Variants in MAP1B observed in about 807,000 individuals in gnomAD.
MAP1B encodes the protein microtubule-associated protein 1B.
MAP1B carries 12 observed loss-of-function variants against 176.1 expected under a neutral mutation model. The ratio of observed to expected loss-of-function variants is 0.07; its 90% CI spans 0.04 to 0.11. The LOEUF is 0.11. Ranked by LOEUF, MAP1B falls within the 10% of genes least tolerant of loss-of-function variation. The pLI is 1.00. For synonymous variants in MAP1B, 1,044 were observed against 1,135.0 expected (o/e 0.92, Z 1.61); for missense variants, 2,523 against 2,990.5 (o/e 0.84, Z 3.65).
rs189465151 is a variant in MAP1B, at chr5:72,153,572, G to A, written c.287-30171G>A. Among the ~76,000 whole-genome samples, 233 of 151,972 alleles carry A rather than the reference G, an allele frequency of 1.5e-3. 1 individual carries two copies. Among genetic ancestry groups the A allele is most frequent in the African/African-American group, 5.3e-3 (220 of 41,448 alleles). ...GACAAGTTGGAATTGAATCCTGGTG[G>A]GACATCACAGAGCTGGGTGATATGT... On this transcript the variant is annotated intron_variant, in intron 2 of 6. Coordinates refer to ENST00000296755, the MANE Select transcript of MAP1B (RefSeq NM_005909.5).
chr5:72,192,395 T>C (rs1259074017), intron 4 of MAP1B, among the ~76,000 whole-genome samples: 1 of 152,234 alleles, frequency 6.6e-6, no homozygotes, highest in Non-Finnish European at 1.5e-5. Flanking sequence ...TTACAGAAAA[T>C]TGTGAAGTCA....
intron 2 of MAP1B, among the ~76,000 whole-genome samples, chr5:72,138,835 C>A (rs1015704123): frequency 6.6e-6 from 1 of 152,180 alleles, no homozygotes; most frequent in African/African-American, 2.4e-5. Context: ...TTCAATGACA[C>A]CCAAATTGTA....
intron 2 of MAP1B, among the ~76,000 whole-genome samples, chr5:72,147,902 CA>C (rs1746074131): frequency 1.3e-5 from 2 of 152,058 alleles, no homozygotes; most frequent in South Asian, 4.1e-4. Flanking sequence ...TTACCGGATC[CA>C]AGTTAACATG....
rs1230262430 is a variant in MAP1B, at chr5:72,197,355, A to C, written c.4000A>C (p.Thr1334Pro). 6.2e-7 allele frequency: 1 copy of C among 1,614,098 alleles called. No homozygotes were observed. The highest frequency in any genetic ancestry group is 1.7e-5 in the Admixed American group (1 of 60,010). ...GTCCGTGACTGGCAGTGCTGGTCAC[A>C]CACCTTACTATCAATCTCCTACTGA... is the stretch of plus-strand genomic sequence containing the variant. The part of the protein sequence containing the change: ...SQSVTGSAGH[T>P]PYYQSPTDEK... Residue 1334 changes from threonine (T) to proline (P), a missense_variant, in exon 5 of 7, where the codon ACA becomes CCA. Physicochemically the swap from Thr to Pro is conservative, Grantham distance 38. Coordinates refer to ENST00000296755, the MANE Select transcript of MAP1B (RefSeq NM_005909.5).
intron 2 of MAP1B, among the ~76,000 whole-genome samples, chr5:72,138,648 C>T (rs762942866): frequency 6.6e-6 from 1 of 152,152 alleles, no homozygotes; most frequent in African/African-American, 2.4e-5. Flanking sequence ...CATGTATAAT[C>T]AGTAATGATT....
intron 2 of MAP1B, among the ~76,000 whole-genome samples, chr5:72,158,673 G>A (rs774573214): frequency 1.3e-5 from 2 of 152,146 alleles, no homozygotes; most frequent in Non-Finnish European, 2.9e-5. Flanking sequence ...TGGGCTCAGT[G>A]GAAATGAATA....
At position 72,197,922 on chromosome 5, in the gene MAP1B, G is replaced by A. The variant is rs200032099; in HGVS notation, c.4567G>A (p.Glu1523Lys). The A allele has an allele frequency of 1.1e-4, 175 of 1,614,110 alleles. No individual in the cohort carries two copies. The highest frequency in any genetic ancestry group is 1.9e-5 in the Non-Finnish European group (22 of 1,180,064). Residue 1523 changes from glutamate to lysine, a missense_variant, in exon 5 of 7, where the codon GAA becomes AAA. Physicochemically the swap from Glu to Lys is moderately conservative, Grantham distance 56. Transcript: ENST00000296755. Reference protein sequence around the residue: ...FKEDTKMSISEGTVSDKSATP... With the variant: ...FKEDTKMSISKGTVSDKSATP... ...AGAAGACACTAAGATGTCCATTTCT[G>A]AAGGTACTGTCTCAGACAAGTCAGC...
intron 4 of MAP1B, among the ~76,000 whole-genome samples, chr5:72,189,442 C>G (rs190474767): frequency 2.6e-5 from 4 of 152,304 alleles, no homozygotes; most frequent in Admixed American, 2.6e-4. Flanking sequence ...CCAACACTGC[C>G]GATTTTTTCC....
At chr5:72,114,011 G>A (rs536523999) in intron 1 of MAP1B, among the ~76,000 whole-genome samples, 1 of 152,272 alleles carries the variant, frequency 6.6e-6, no homozygotes, top group Admixed American at 6.5e-5. Flanking sequence ...TCCAGGAAGA[G>A]CCATAAAATT....
chr5:72,183,930 A>C, intron 3 of MAP1B, 105 bp downstream of exon 3: 2 of 963,858 alleles, frequency 2.1e-6, no homozygotes, highest in Non-Finnish European at 3.2e-6. Context: ...GGGACACAAC[A>C]GAGAGAAGTT....
chr5:72,200,988 A>G lies in MAP1B; in HGVS notation c.7012+621A>G, dbSNP rs7707381. On this transcript the variant is annotated intron_variant, in intron 5 of 6. Transcript: ENST00000296755. ...GTGAGTGTCCGGTGAAAATTGAGAG[A>G]AAAACATTGATGGCTCTGCTCTTAC... 5.1e-3 allele frequency among the ~76,000 whole-genome samples: 780 copies of G among 152,286 alleles called. 3 individuals are homozygous for G. Among genetic ancestry groups the G allele is most frequent in the African/African-American group, 0.018 (745 of 41,560 alleles).
At chr5:72,147,170 T>G (rs1467831467) in intron 2 of MAP1B, among the ~76,000 whole-genome samples, 1 of 152,072 alleles carries the variant, frequency 6.6e-6, no homozygotes, top group Admixed American at 6.5e-5. Context: ...GGTTTCACCG[T>G]GTTGGCTAGG....
intron 2 of MAP1B, among the ~76,000 whole-genome samples, chr5:72,150,258 A>G (rs1235315720): frequency 1.3e-5 from 2 of 152,202 alleles, no homozygotes; most frequent in African/African-American, 2.4e-5. Context: ...AATCCATTTA[A>G]TATTTTATAC....
intron 2 of MAP1B, among the ~76,000 whole-genome samples, chr5:72,129,794 A>G (rs539840099): frequency 4.6e-5 from 7 of 152,292 alleles, no homozygotes; most frequent in Admixed American, 1.3e-4. Context: ...TTATTTTAAA[A>G]CATCTAACAT....
intron 2 of MAP1B, among the ~76,000 whole-genome samples, chr5:72,116,659 A>C (rs1745443579): frequency 6.6e-6 from 1 of 152,160 alleles, no homozygotes; most frequent in African/African-American, 2.4e-5. Context: ...AAAGACTCCA[A>C]ACCTGGAATA....
At position 72,186,340 on chromosome 5, in the gene MAP1B, AC is replaced by A. The variant is rs145847709; in HGVS notation, c.370-273del. Among the ~76,000 whole-genome samples, 999 of 152,330 alleles carry A rather than the reference AC, an allele frequency of 6.6e-3. 14 individuals are homozygous for A. Among genetic ancestry groups the A allele is most frequent in the African/African-American group, 0.023 (959 of 41,574 alleles). ...GGAGGAAACTAGGGGGAGAAAGTCA[AC>A]TATCGCTACTGTCGTGATTGTAGAG... is the stretch of plus-strand genomic sequence containing the variant. On this transcript the variant is annotated intron_variant, in intron 3 of 6. Coordinates refer to ENST00000296755, the MANE Select transcript of MAP1B (RefSeq NM_005909.5). This position sits in a 1 kb window ranked among gnomAD's most constrained non-coding sequence, Gnocchi z 4.3.
At chr5:72,115,233 G>A (rs1745411436) in intron 1 of MAP1B, among the ~76,000 whole-genome samples, 1 of 152,132 alleles carries the variant, frequency 6.6e-6, no homozygotes, top group Non-Finnish European at 1.5e-5. Context: ...TAGAAACAAA[G>A]GCCCGTGCTT....
At position 72,186,666 on chromosome 5, in the gene MAP1B, G is replaced by C. The variant is rs763276687; in HGVS notation, c.422G>C (p.Gly141Ala). ...CGACACAAGCTGCTCGTGCTGACCG[G>C]GCAGTGCTTTGAAAATACCGGAGAG... ...AARHKLLVLT[G>A]QCFENTGELI... The change falls in exon 4 of 7, where the codon GGG (glycine) becomes GCG (alanine). Residue 141 changes from glycine to alanine, a missense_variant. Around this residue, in one of 4 missense-constraint regions of MAP1B, gnomAD observed 307 missense variants for 438.4 expected, o/e 0.70. Coordinates refer to ENST00000296755, the MANE Select transcript of MAP1B (RefSeq NM_005909.5). This position sits in a 1 kb window ranked among gnomAD's most constrained non-coding sequence, Gnocchi z 4.3. 6 of 1,614,090 alleles carry C rather than the reference G, an allele frequency of 3.7e-6. No individual in the cohort carries two copies. Among genetic ancestry groups the C allele is most frequent in the Non-Finnish European group, 5.1e-6 (6 of 1,180,052 alleles).
intron 2 of MAP1B, among the ~76,000 whole-genome samples, chr5:72,167,719 C>T (rs532820029): frequency 6.6e-6 from 1 of 152,304 alleles, no homozygotes; most frequent in South Asian, 2.1e-4. Context: ...ATATATTTTA[C>T]TTTGTCATTG....
Sources: gnomAD v4.1 joint callset for allele counts (sites outside exome capture counted in the v4.1 genomes callset) on GRCh38, gnomAD v4.1.1 for gene constraint, gnomAD v4.1.1 regional missense constraint, Gnocchi (gnomAD v3.1) non-coding constraint, MANE v1.5 for transcripts, NCBI Gene and HGNC (gene_info 2026-07-23, HGNC 2026-07-21) for gene names.